The following EML4 variants were observed in gnomAD, a reference collection of about 807,000 sequenced individuals.
EML4 encodes the protein EMAP like 4, also known as echinoderm microtubule-associated protein-like 4.
A neutral mutation model predicts 129.0 loss-of-function variants in EML4; 72 were observed. The ratio of observed to expected loss-of-function variants is 0.56; its 90% CI spans 0.46 to 0.68. EML4 has a LOEUF of 0.68. Among genes scored for constraint, EML4 ranks in the 30% least tolerant of loss-of-function variants. EML4 has a pLI of 0.00. For synonymous variants in EML4, 532 were observed against 405.0 expected, an observed-to-expected ratio of 1.31 and a Z score of -3.77; for missense variants, 1,363 against 1,190.6, an observed-to-expected ratio of 1.14 and a Z score of -2.13.
At chr2:42,196,333 T>A (rs1287057978) in intron 1 of EML4, among the ~76,000 whole-genome samples, 1 of 152,242 alleles carries the variant, frequency 6.6e-6, no homozygotes, top group African/African-American at 2.4e-5. Context: ...TCACCATCTG[T>A]TGACGCTTGC....
chr2:42,283,129 G>T lies in EML4; in HGVS notation c.941+157G>T, dbSNP rs1667102068. 3.9e-5 allele frequency among the ~76,000 whole-genome samples: 6 copies of T among 152,140 alleles called. No homozygotes were observed. The South Asian group carries it at 1.2e-3, about 31-fold the overall frequency. On this transcript the variant is annotated intron_variant, in intron 8 of 22. Transcript: ENST00000318522. Reference sequence around the variant, plus strand: ...GAATATATTTTAAAAAGAAAAAAAGGACTTTCGGCCTCCAAAATGGTGGTG... The same window carrying T: ...GAATATATTTTAAAAAGAAAAAAAGTACTTTCGGCCTCCAAAATGGTGGTG...
chr2:42,247,514 A>G (rs1344007176), intron 2 of EML4, among the ~76,000 whole-genome samples: 1 of 151,842 alleles, frequency 6.6e-6, no homozygotes, highest in Admixed American at 6.6e-5. Context: ...TACAGTGGAG[A>G]GTTAGATGGA....
intron 1 of EML4, among the ~76,000 whole-genome samples, chr2:42,235,252 C>T (rs1209202739): frequency 6.6e-6 from 1 of 150,710 alleles, no homozygotes; most frequent in Non-Finnish European, 1.5e-5. Context: ...GCCGAGATCG[C>T]ACCACCGCAC....
At chr2:42,204,398 TG>T in intron 1 of EML4, among the ~76,000 whole-genome samples, 1 of 152,306 alleles carries the variant, frequency 6.6e-6, no homozygotes, top group African/African-American at 2.4e-5. Context: ...AAACTTTTTC[TG>T]GAAAGGGCCA....
intron 6 of EML4, among the ~76,000 whole-genome samples, chr2:42,266,232 C>G (rs185811763): frequency 2.6e-5 from 4 of 152,216 alleles, no homozygotes; most frequent in African/African-American, 7.2e-5. Context: ...TGGCATTCTT[C>G]TTTAGTAGGT....
In EML4 at chr2:42,169,511, C is replaced by G. The variant is rs1438330210; in HGVS notation, c.-101C>G. The G allele has an allele frequency of 3.6e-6, 5 of 1,395,224 alleles. No individual in the cohort carries two copies. The highest frequency in any genetic ancestry group is 3.8e-6 in the Non-Finnish European group (4 of 1,042,198). The allele number at this position is 1,395,224 out of a possible 1,614,324, so 86.4% of individuals were successfully genotyped here. On this transcript the variant is annotated 5_prime_UTR_variant, in exon 1 of 23. Coordinates refer to ENST00000318522, the MANE Select transcript of EML4 (RefSeq NM_019063.5). ...GGAGCCGGTAGCCGAGCCGGGCGACCTAGAGAACGAGCGGGTCAGGCTCAG... is the reference window on the plus strand; with the variant it reads ...GGAGCCGGTAGCCGAGCCGGGCGACGTAGAGAACGAGCGGGTCAGGCTCAG...
intron 3 of EML4, among the ~76,000 whole-genome samples, chr2:42,259,136 G>A (rs1212976297): frequency 5.3e-5 from 8 of 151,966 alleles, no homozygotes; most frequent in Non-Finnish European, 1.2e-4. Context: ...AATCTCAGCT[G>A]CTGGGGAAGC....
chr2:42,306,342 C>A (rs1353089252), intron 17 of EML4, among the ~76,000 whole-genome samples: 1 of 152,058 alleles, frequency 6.6e-6, no homozygotes, highest in African/African-American at 2.4e-5. Flanking sequence ...TAGTGCTGAT[C>A]CAGTTTTCAG....
Position 42,329,888 on chromosome 2 carries a change from T to G in EML4, c.2627T>G (p.Val876Gly), listed in dbSNP as rs945557186. 6.2e-7 allele frequency: 1 copy of G among 1,613,954 alleles called. No individual in the cohort carries two copies. Among genetic ancestry groups the G allele is most frequent in the Non-Finnish European group, 8.5e-7 (1 of 1,180,012 alleles). The change falls in exon 23 of 23, where the codon GTA becomes GGA. Residue 876 changes from valine (V) to glycine (G), a missense_variant. Physicochemically the swap from Val to Gly is moderately radical, Grantham distance 109. Transcript: ENST00000318522. Reference sequence around the variant, plus strand: ...TTATCTTTGCCTCAGAATGAGACTGTAGCGGATACTACTCTAACCAAAGCC... The same window carrying G: ...TTATCTTTGCCTCAGAATGAGACTGGAGCGGATACTACTCTAACCAAAGCC... ...EKLSLPQNETVADTTLTKAPV... is the reference protein window; with the variant it reads ...EKLSLPQNETGADTTLTKAPV...
chr2:42,299,264 C>A (rs1668138188), intron 13 of EML4, among the ~76,000 whole-genome samples: 1 of 152,176 alleles, frequency 6.6e-6, no homozygotes, highest in Admixed American at 6.5e-5. Context: ...CATACTCAAA[C>A]TGAGACATAA....
At position 42,208,113 on chromosome 2, in the gene EML4, A is replaced by T. The variant is rs563995588; in HGVS notation, c.26-37392A>T. 2.6e-5 allele frequency: 4 copies of T among 152,264 alleles called. No individual in the cohort carries two copies. In the East Asian group the frequency reaches 7.7e-4, roughly 29 times the overall value. The allele number at this position is 152,264 out of a possible 1,614,324, so 9.4% of individuals were successfully genotyped here. On this transcript the variant is annotated intron_variant, in intron 1 of 22. Transcript: ENST00000318522. Reference sequence around the variant, plus strand: ...AATTACATTTGTTTACTACCTTTTCAACTCATGTTTCTGCATTTATTCGTT... The same window carrying T: ...AATTACATTTGTTTACTACCTTTTCTACTCATGTTTCTGCATTTATTCGTT...
chr2:42,247,895 C>T (rs992432748), intron 2 of EML4, among the ~76,000 whole-genome samples: 10 of 151,754 alleles, frequency 6.6e-5, no homozygotes, highest in Non-Finnish European at 1.5e-4. Context: ...ACTCAGAACC[C>T]GAGGGTACAT....
intron 1 of EML4, among the ~76,000 whole-genome samples, chr2:42,198,577 G>GT (rs1672034873): frequency 6.6e-6 from 1 of 152,186 alleles, no homozygotes; most frequent in Non-Finnish European, 1.5e-5. Flanking sequence ...AAAGGAAAAG[G>GT]TGGTAAGGAT....
chr2:42,190,371 G>T (rs1056126249), intron 1 of EML4, among the ~76,000 whole-genome samples: 1 of 152,176 alleles, frequency 6.6e-6, no homozygotes, highest in Non-Finnish European at 1.5e-5. Context: ...GATGGCAAAA[G>T]AAACGGTAGG....
At chr2:42,266,675 T>C (rs1666084379) in intron 6 of EML4, among the ~76,000 whole-genome samples, 1 of 149,332 alleles carries the variant, frequency 6.7e-6, no homozygotes, top group Non-Finnish European at 1.5e-5. Context: ...TTAAATAGAG[T>C]CGGCGGTATG....
At chr2:42,180,910 C>T (rs1403763668) in intron 1 of EML4, among the ~76,000 whole-genome samples, 1 of 152,194 alleles carries the variant, frequency 6.6e-6, no homozygotes, top group Non-Finnish European at 1.5e-5. Context: ...CACCTTGACA[C>T]TTTGGAAAGT....
At chr2:42,278,573 C>CAAAAAAA (rs35916382) in intron 6 of EML4, among the ~76,000 whole-genome samples, 1 of 54,286 alleles carries the variant, frequency 1.8e-5, no homozygotes, top group Non-Finnish European at 3.2e-5. Flanking sequence ...GACTCCATCT[C>CAAAAAAA]AAAAAAAAAA....
chr2:42,262,895 G>A (rs1465566329), intron 4 of EML4, among the ~76,000 whole-genome samples: 1 of 152,056 alleles, frequency 6.6e-6, no homozygotes, highest in Non-Finnish European at 1.5e-5. Context: ...TTACTCAGAT[G>A]TAAGGAAATA....
At chr2:42,283,120 GA>G (rs1350391909) in intron 8 of EML4, 148 bp downstream of exon 8, 9 of 778,296 alleles carry the variant, frequency 1.2e-5, no homozygotes, top group African/African-American at 7.2e-5. Context: ...ATTTTAAAAA[GA>G]AAAAAAGGAC....
Sources: gnomAD v4.1 joint callset for allele counts (sites outside exome capture counted in the v4.1 genomes callset) on GRCh38, gnomAD v4.1.1 for gene constraint, MANE v1.5 for transcripts, NCBI Gene and HGNC (gene_info 2026-07-23, HGNC 2026-07-21) for gene names.